LANCL1: variants seen among roughly 807,000 people sequenced by gnomAD.
LANCL1 encodes the protein LanC like glutathione S-transferase 1, also known as glutathione S-transferase LANCL1.
In LANCL1, 50 loss-of-function variants were observed where a neutral mutation model predicts 50.6. That is an observed-to-expected ratio of 0.99 (90% CI 0.79 to 1.25). LANCL1 has a LOEUF of 1.25. Among genes scored for constraint, LANCL1 ranks in the 50% most tolerant of loss-of-function variants. LANCL1 has a pLI of 0.00. For missense variants in LANCL1, 532 were observed against 480.7 expected (o/e 1.11, Z -1.00); for synonymous variants, 188 against 178.6 (o/e 1.05, Z -0.42).
At chr2:210,436,543 G>C in intron 7 of LANCL1, 151 bp from the exon 8 acceptor site, 1 of 736,352 alleles carries the variant, frequency 1.4e-6, no homozygotes, top group Non-Finnish European at 2.2e-6. Context: ...TGTTGCTAGT[G>C]ACAATTACTA....
chr2:210,476,438 C>T, intron 1 of LANCL1, 26 bp from the exon 2 acceptor site: 1 of 1,602,482 alleles, frequency 6.2e-7, no homozygotes, highest in Non-Finnish European at 8.5e-7. Flanking sequence ...AAAACAGAAA[C>T]TAGGTTGAGA....
At chr2:210,446,149 C>A (rs190937062) in intron 4 of LANCL1, among the ~76,000 whole-genome samples, 1 of 152,178 alleles carries the variant, frequency 6.6e-6, no homozygotes. Context: ...TCCCTGCCCC[C>A]CTGTGCTTCC....
intron 2 of LANCL1, 127 bp downstream of exon 2, chr2:210,476,189 T>TAAATAAAAATTCG (rs1694361997): frequency 5.1e-6 from 3 of 582,852 alleles, no homozygotes; most frequent in Admixed American, 6.6e-5. Flanking sequence ...TTAAATAATT[T>TAAATAAAAATTCG]ACGTATTTAT....
chr2:210,452,015 G>A (rs1693526070), intron 4 of LANCL1, among the ~76,000 whole-genome samples: 1 of 152,054 alleles, frequency 6.6e-6, no homozygotes, highest in Admixed American at 6.6e-5. Flanking sequence ...ATTACCAGGG[G>A]ATGATGGTAT....
At chr2:210,472,425 T>C (rs1343406049) in intron 2 of LANCL1, among the ~76,000 whole-genome samples, 1 of 152,172 alleles carries the variant, frequency 6.6e-6, no homozygotes. Flanking sequence ...AATCAGATGT[T>C]TGGTGCTTTC....
chr2:210,440,845 A>C lies in LANCL1; in HGVS notation c.544-101T>G. ...CTAAGAGGTACTGGGGAACATGACA[A>C]ATTAGACACCAGCTTATAGCCAGGG... is the stretch of plus-strand genomic sequence containing the variant. On this transcript the variant is annotated intron_variant, in intron 5 of 9. Transcript: ENST00000450366. 5.1e-6 allele frequency: 5 copies of C among 988,492 alleles called. No individual in the cohort carries two copies. The South Asian group carries it at 6.6e-5, about 13-fold the overall frequency. The allele number at this position is 988,492 out of a possible 1,614,324, so 61.2% of individuals were successfully genotyped here.
At chr2:210,475,346 T>A (rs747242359) in intron 2 of LANCL1, among the ~76,000 whole-genome samples, 1 of 152,202 alleles carries the variant, frequency 6.6e-6, no homozygotes, top group East Asian at 1.9e-4. Context: ...TATTTTTTTA[T>A]TTTTTAGAGA....
rs538660146 is a variant in LANCL1, at chr2:210,442,804, C to T, written c.408-1361G>A. 8.1e-4 allele frequency: 123 copies of T among 152,354 alleles called. 2 individuals carry two copies. Among genetic ancestry groups the T allele is most frequent in the African/African-American group, 2.9e-3 (120 of 41,578 alleles). The allele number at this position is 152,354 out of a possible 1,614,324, so 9.4% of individuals were successfully genotyped here. ...GGCTTATAGAGACCCAGAAGAAGCC[C>T]TCTAGTGCTGTCTGAACAAAGAGAA... is the stretch of plus-strand genomic sequence containing the variant. On this transcript the variant is annotated intron_variant, in intron 4 of 9. Coordinates refer to ENST00000450366, the MANE Select transcript of LANCL1 (RefSeq NM_006055.3).
chr2:210,448,367 T>C (rs537621551), intron 4 of LANCL1, among the ~76,000 whole-genome samples: 1 of 152,246 alleles, frequency 6.6e-6, no homozygotes, highest in African/African-American at 2.4e-5. Context: ...TAGAGGGAAA[T>C]TTATAGCACT....
intron 2 of LANCL1, among the ~76,000 whole-genome samples, chr2:210,474,432 T>C (rs1047155030): frequency 2.0e-5 from 3 of 152,010 alleles, no homozygotes; most frequent in African/African-American, 4.8e-5. Flanking sequence ...AGGGTTAAAT[T>C]TGGCCCGACA....
chr2:210,467,653 G>C (rs1245755526), intron 3 of LANCL1, among the ~76,000 whole-genome samples: 1 of 152,190 alleles, frequency 6.6e-6, no homozygotes, highest in African/African-American at 2.4e-5. Context: ...GTTAAGTTTT[G>C]GGGGAGACAA....
At chr2:210,440,542 T>A (rs1693094583) in intron 6 of LANCL1, 56 bp downstream of exon 6, 1 of 1,517,132 alleles carries the variant, frequency 6.6e-7, no homozygotes, top group South Asian at 1.2e-5. Context: ...TTCTCACCCA[T>A]GATAGTACAT....
chr2:210,469,185 C>G (rs371439286), intron 3 of LANCL1: 4 of 152,052 alleles, frequency 2.6e-5, no homozygotes. Context: ...ACATACAACA[C>G]CAAATATTTT....
intron 4 of LANCL1, among the ~76,000 whole-genome samples, chr2:210,453,829 C>T (rs1026936721): frequency 6.6e-6 from 1 of 152,100 alleles, no homozygotes; most frequent in Non-Finnish European, 1.5e-5. Flanking sequence ...ATGGAAGGAA[C>T]ACACTTTAAA....
At chr2:210,461,752 T>TTC (rs1352532819) in intron 3 of LANCL1, among the ~76,000 whole-genome samples, 2 of 147,136 alleles carry the variant, frequency 1.4e-5, no homozygotes, top group African/African-American at 2.6e-5. Flanking sequence ...GTATGTATTT[T>TTC]TTTTTTTAAG....
intron 4 of LANCL1, among the ~76,000 whole-genome samples, chr2:210,453,086 G>GA (rs1424347496): frequency 4.0e-5 from 6 of 151,796 alleles, no homozygotes; most frequent in Admixed American, 2.0e-4. Context: ...TAAAAAATCT[G>GA]AAAAAAATCA....
rs1692746858 is a variant in LANCL1, at chr2:210,431,561, C to T, written c.*2926G>A. ...TATACATGTAAATAGTCACTCTTCA[C>T]ATTTTCTATTTCTAAAGTAGCTAGT... is the stretch of plus-strand genomic sequence containing the variant. On this transcript the variant is annotated 3_prime_UTR_variant, in exon 10 of 10. Coordinates refer to ENST00000450366, the MANE Select transcript of LANCL1 (RefSeq NM_006055.3). The T allele has an allele frequency of 6.6e-6, 1 of 152,228 alleles. No homozygotes were observed. Among genetic ancestry groups the T allele is most frequent in the Admixed American group, 6.5e-5 (1 of 15,276 alleles). 9.4% of individuals were successfully genotyped at this position (152,228 alleles called of 1,614,324 possible). A position where few individuals can be genotyped will look rare whatever the true frequency, so the allele number is the denominator to read the frequency against.
chr2:210,459,236 T>C lies in LANCL1; in HGVS notation c.200-3922A>G, dbSNP rs1448486985. Reference sequence around the variant, plus strand: ...TTCGTAAGTATGACTATTATGTATATCCACAAGCAGAAGAATGAAATTTGA... The same window carrying C: ...TTCGTAAGTATGACTATTATGTATACCCACAAGCAGAAGAATGAAATTTGA... On this transcript the variant is annotated intron_variant, in intron 3 of 9. Transcript: ENST00000450366. Among the ~76,000 whole-genome samples the C allele has an allele frequency of 3.3e-5, 5 of 151,986 alleles. 1 individual carries two copies. Among genetic ancestry groups the C allele is most frequent in the Admixed American group, 3.3e-4 (5 of 15,254 alleles).
At chr2:210,451,287 C>T (rs931354133) in intron 4 of LANCL1, among the ~76,000 whole-genome samples, 1 of 151,520 alleles carries the variant, frequency 6.6e-6, no homozygotes, top group African/African-American at 2.4e-5. Flanking sequence ...AACACATGGA[C>T]ACGGGGAGGG....
Sources: allele counts gnomAD v4.1 joint callset (sites outside exome capture counted in the v4.1 genomes callset), GRCh38; gene constraint gnomAD v4.1.1; transcripts MANE v1.5; gene names NCBI Gene and HGNC (gene_info 2026-07-23, HGNC 2026-07-21).